AACS: variants seen among roughly 807,000 people sequenced by gnomAD.
AACS encodes acetoacetate-CoA ligase.
A neutral mutation model predicts 83.1 loss-of-function variants in AACS; 69 were observed. The observed-to-expected ratio is 0.83, with a 90% confidence interval of 0.68 to 1.01. The LOEUF is 1.01. Ranked by LOEUF, AACS falls within the 50% of genes least tolerant of loss-of-function variation. AACS has a pLI of 0.00. For missense variants in AACS, 866 were observed against 882.2 expected, an observed-to-expected ratio of 0.98 and a Z score of 0.23; for synonymous variants, 333 against 343.4, an observed-to-expected ratio of 0.97 and a Z score of 0.33.
In AACS at chr12:125,118,718, C is replaced by T. The variant is rs138972516; in HGVS notation, c.1074C>T (p.Pro358=). The change falls in exon 10 of 18, where the codon CCC becomes CCT. Residue 358 remains proline (P), a synonymous_variant. Transcript: ENST00000316519. ...CCATGGTCTTGTACGATGGCTCCCC[C>T]CTGGTGCCCACGCCCAATGTGCTCT... ...GAAMVLYDGS[P]LVPTPNVLWD... is the part of the protein sequence containing the mutation. The T allele has an allele frequency of 2.4e-5, 39 of 1,614,010 alleles. No individual in the cohort carries two copies. Among genetic ancestry groups the T allele is most frequent in the Non-Finnish European group, 2.9e-5 (34 of 1,180,000 alleles).
intron 5 of AACS, among the ~76,000 whole-genome samples, chr12:125,100,204 C>G (rs182840982): frequency 3.9e-5 from 6 of 152,010 alleles, no homozygotes; most frequent in African/African-American, 1.4e-4. Flanking sequence ...GCTGTCCAAG[C>G]TCGTCTCCCA....
chr12:125,114,436 G>C, intron 8 of AACS, 41 bp from the exon 9 acceptor site: 2 of 1,568,518 alleles, frequency 1.3e-6, no homozygotes, highest in Non-Finnish European at 1.8e-6. Context: ...GGTACTGTAT[G>C]CCTAACAGAG....
Position 125,134,835 on chromosome 12 carries a change from C to T in AACS, c.1661C>T (p.Ser554Leu), listed in dbSNP as rs140609615. Residue 554 changes from serine to leucine, a missense_variant, in exon 16 of 18, where the codon TCG (serine) becomes TTG (leucine). Ser to Leu is a moderately radical substitution (Grantham distance 145). Coordinates refer to ENST00000316519, the MANE Select transcript of AACS (RefSeq NM_023928.5). ...CCCAACGGGGTGCGGTTCGGCAGCT[C>T]GGAAATCTATAACATTGGTACGTGC... ...LNPNGVRFGS[S>L]EIYNIVESFE... 11 of 1,614,006 alleles carry T rather than the reference C, an allele frequency of 6.8e-6. No individual in the cohort carries two copies. Among genetic ancestry groups the T allele is most frequent in the African/African-American group, 2.7e-5 (2 of 74,896 alleles).
At chr12:125,080,067 T>G (rs1202897825) in intron 3 of AACS, among the ~76,000 whole-genome samples, 2 of 152,190 alleles carry the variant, frequency 1.3e-5, no homozygotes, top group Non-Finnish European at 2.9e-5. Flanking sequence ...TCTGCCACAG[T>G]ACAGGCAGAC....
chr12:125,092,201 G>A (rs1446312928), intron 5 of AACS, among the ~76,000 whole-genome samples: 2 of 152,224 alleles, frequency 1.3e-5, no homozygotes, highest in Admixed American at 1.3e-4. Context: ...AGCCTTGAGC[G>A]TCAGGGACCT....
At chr12:125,131,488 T>C (rs896252743) in intron 14 of AACS, among the ~76,000 whole-genome samples, 2 of 151,874 alleles carry the variant, frequency 1.3e-5, no homozygotes, top group African/African-American at 4.8e-5. Context: ...CCGGGATTAC[T>C]AGCATGAGCC....
intron 1 of AACS, among the ~76,000 whole-genome samples, chr12:125,069,217 GTAGCC>G (rs1344816404): frequency 1.3e-5 from 2 of 152,200 alleles, no homozygotes; most frequent in Non-Finnish European, 2.9e-5. Flanking sequence ...AGGCTCACTT[GTAGCC>G]TGTATACAGT....
At position 125,140,996 on chromosome 12, in the gene AACS, A is replaced by G. The variant is rs1488320353; in HGVS notation, c.1882-1096A>G. ...AAGTAAAATCATCATAAAACATAGTAGCTAGGCACTTCTGAAGCTGTGTGT... is the reference window on the plus strand; with the variant it reads ...AAGTAAAATCATCATAAAACATAGTGGCTAGGCACTTCTGAAGCTGTGTGT... On this transcript the variant is annotated intron_variant, in intron 17 of 17. Coordinates refer to ENST00000316519, the MANE Select transcript of AACS (RefSeq NM_023928.5). The surrounding 1 kb of genome is among the most constrained non-coding windows in gnomAD (Gnocchi z 5.1). The G allele has an allele frequency of 2.6e-5, 4 of 152,400 alleles. No homozygotes were observed. The South Asian group carries it at 8.3e-4, about 32-fold the overall frequency. 9.4% of individuals were successfully genotyped at this position (152,400 alleles called of 1,614,324 possible).
intron 8 of AACS, among the ~76,000 whole-genome samples, chr12:125,108,209 G>A (rs1179064866): frequency 6.6e-6 from 1 of 152,228 alleles, no homozygotes; most frequent in Non-Finnish European, 1.5e-5. Flanking sequence ...TGCCCGTGCT[G>A]CGAGTCTGTT....
intron 5 of AACS, 86 bp from the exon 6 acceptor site, chr12:125,102,593 T>G: frequency 9.1e-7 from 1 of 1,101,128 alleles, no homozygotes; most frequent in African/African-American, 1.5e-5. Context: ...GCCTCCAGAG[T>G]AGCTGGGACT....
Position 125,142,138 on chromosome 12 carries a change from T to C in AACS, c.1928T>C (p.Ile643Thr), listed in dbSNP as rs1419133600. ...GTGGAAGTTGCCGTCAAACAGATCATCGCTGGAAAAGCCGTGGAGCAAGGA... is the reference window on the plus strand; with the variant it reads ...GTGGAAGTTGCCGTCAAACAGATCACCGCTGGAAAAGCCGTGGAGCAAGGA... ...KKVEVAVKQIIAGKAVEQGGA... is the reference protein window; with the variant it reads ...KKVEVAVKQITAGKAVEQGGA... Residue 643 changes from isoleucine (I) to threonine (T), a missense_variant, in exon 18 of 18, where the codon ATC (isoleucine) becomes ACC (threonine). By Grantham distance (89) the Ile-to-Thr change is moderately conservative. Coordinates refer to ENST00000316519, the MANE Select transcript of AACS (RefSeq NM_023928.5). 6.2e-7 allele frequency: 1 copy of C among 1,614,114 alleles called. No individual in the cohort carries two copies. The highest frequency in any genetic ancestry group is 8.5e-7 in the Non-Finnish European group (1 of 1,180,040).
At position 125,079,606 on chromosome 12, in the gene AACS, C is replaced by G. The variant is rs796950335; in HGVS notation, c.358+2995C>G. ...GTTTTGCCATGTTGCTCAGGCTGGT[C>G]TCGAACTCCTGGGCTCAAGCAATTC... On this transcript the variant is annotated intron_variant, in intron 3 of 17. Transcript: ENST00000316519. Among the ~76,000 whole-genome samples the G allele has an allele frequency of 4.7e-4, 72 of 152,116 alleles. 1 individual carries two copies. Among genetic ancestry groups the G allele is most frequent in the African/African-American group, 1.7e-3 (70 of 41,470 alleles).
chr12:125,103,333 T>C (rs1956757546), intron 7 of AACS, among the ~76,000 whole-genome samples: 1 of 152,230 alleles, frequency 6.6e-6, no homozygotes, highest in South Asian at 2.1e-4. Context: ...GTGTCCCTTA[T>C]GTAGGGGGCT....
intron 3 of AACS, among the ~76,000 whole-genome samples, chr12:125,079,916 C>G (rs1956129414): frequency 6.6e-6 from 1 of 152,180 alleles, no homozygotes; most frequent in African/African-American, 2.4e-5. Context: ...TCCTGGGTTT[C>G]CCTGTTCTGG....
chr12:125,135,518 A>G (rs149674168), intron 16 of AACS, among the ~76,000 whole-genome samples: 16 of 152,190 alleles, frequency 1.1e-4, no homozygotes, highest in Admixed American at 3.9e-4. Context: ...GGATCTCACA[A>G]CTGTACAGTG....
At position 125,134,792 on chromosome 12, in the gene AACS, A is replaced by G; in HGVS notation, c.1620-2A>G. On this transcript the variant is annotated splice_acceptor_variant, in intron 15 of 17. Coordinates refer to ENST00000316519, the MANE Select transcript of AACS (RefSeq NM_023928.5). LOFTEE classifies it high-confidence loss of function. ...TGGCCCTGACCTCTTCTCTCTTTCCAGTGACGGCACCCTCAACCCCAACGG... is the reference window on the plus strand; with the variant it reads ...TGGCCCTGACCTCTTCTCTCTTTCCGGTGACGGCACCCTCAACCCCAACGG... The G allele has an allele frequency of 6.2e-7, 1 of 1,614,052 alleles. No homozygotes were observed. The highest frequency in any genetic ancestry group is 8.5e-7 in the Non-Finnish European group (1 of 1,179,992).
chr12:125,131,063 C>T (rs57998661), intron 14 of AACS, among the ~76,000 whole-genome samples: 5,039 of 152,198 alleles, frequency 0.033, 278 homozygotes, highest in African/African-American at 0.11. Context: ...TTCCACAACT[C>T]GGAGTGGGTT....
intron 3 of AACS, among the ~76,000 whole-genome samples, chr12:125,083,943 C>T (rs564224606): frequency 3.5e-4 from 53 of 152,226 alleles, no homozygotes; most frequent in South Asian, 8.3e-4. Context: ...CGTGAGCCAC[C>T]GTGCCCGGCC....
At chr12:125,131,328 C>G (rs1957326260) in intron 14 of AACS, among the ~76,000 whole-genome samples, 1 of 152,108 alleles carries the variant, frequency 6.6e-6, no homozygotes, top group Non-Finnish European at 1.5e-5. Flanking sequence ...CCTCCCGCCT[C>G]AGCCTCCTAA....
Sources: allele counts gnomAD v4.1 joint callset (sites outside exome capture counted in the v4.1 genomes callset), GRCh38; gene constraint gnomAD v4.1.1; non-coding constraint Gnocchi (gnomAD v3.1); transcripts MANE v1.5; gene names NCBI Gene and HGNC (gene_info 2026-07-23, HGNC 2026-07-21).